CFAP20DC: variants seen among roughly 807,000 people sequenced by gnomAD.
CFAP20DC encodes CFAP20 domain containing.
CFAP20DC carries 84 observed loss-of-function variants against 101.7 expected under a neutral mutation model. The ratio of observed to expected loss-of-function variants is 0.83; its 90% CI spans 0.69 to 0.99. The LOEUF (loss-of-function observed/expected upper bound fraction) is 0.99, where lower values mean the gene tolerates loss of function less well. CFAP20DC is among the 50% of genes least tolerant of loss of function. The pLI is 0.00. For synonymous variants in CFAP20DC, 359 were observed against 351.2 expected (o/e 1.02, Z -0.25); for missense variants, 1,007 against 970.3 (o/e 1.04, Z -0.50).
chr3:58,724,510 C>T lies in CFAP20DC; in HGVS notation c.198-6882G>A, dbSNP rs2067520567. 6.6e-6 allele frequency among the ~76,000 whole-genome samples: 1 copy of T among 152,070 alleles called. No individual in the cohort carries two copies. Among genetic ancestry groups the T allele is most frequent in the Non-Finnish European group, 1.5e-5 (1 of 68,030 alleles). ...CAGACGTGTGGGCTCCTATTTAAGCCCGCTCCCACTAGCTACTCTCCGATA... is the reference window on the plus strand; with the variant it reads ...CAGACGTGTGGGCTCCTATTTAAGCTCGCTCCCACTAGCTACTCTCCGATA... On this transcript the variant is annotated intron_variant, in intron 3 of 3. Transcript: ENST00000486145. This position sits in a 1 kb window ranked among gnomAD's most constrained non-coding sequence, Gnocchi z 5.6.
chr3:58,737,479 G>C (rs774939083), downstream of CFAP20DC, among the ~76,000 whole-genome samples: 3 of 152,074 alleles, frequency 2.0e-5, no homozygotes, highest in Non-Finnish European at 4.4e-5. The surrounding 1 kb of genome is among the most constrained non-coding windows in gnomAD (Gnocchi z 4.1). Flanking sequence ...GATGTGAGTG[G>C]ATAAAACCCT....
rs115304968 is a variant in CFAP20DC, at chr3:58,780,383, G to T, written c.2237+26012C>A. 5.8e-4 allele frequency among the ~76,000 whole-genome samples: 88 copies of T among 152,088 alleles called. 1 individual carries two copies. The highest frequency in any genetic ancestry group is 2.0e-3 in the African/African-American group (83 of 41,528). On this transcript the variant is annotated intron_variant, in intron 15 of 16. Coordinates refer to ENST00000482387, the MANE Select transcript of CFAP20DC (RefSeq NM_001394063.1). Reference sequence around the variant, plus strand: ...AGTAAGAGCAAAATAAAGGAACAAAGGATATGTAAAACAACGGAAAATCAA... The same window carrying T: ...AGTAAGAGCAAAATAAAGGAACAAATGATATGTAAAACAACGGAAAATCAA...
At chr3:58,819,629 C>A (rs1409004626) in intron 14 of CFAP20DC, among the ~76,000 whole-genome samples, 1 of 148,338 alleles carries the variant, frequency 6.7e-6, no homozygotes, top group African/African-American at 2.5e-5. Flanking sequence ...ATAACAGGAT[C>A]TGAAATTGTG....
At chr3:58,939,318 TAAAAG>T (rs1403773596) in intron 4 of CFAP20DC, among the ~76,000 whole-genome samples, 1 of 151,830 alleles carries the variant, frequency 6.6e-6, no homozygotes, top group African/African-American at 2.4e-5. Flanking sequence ...CATTAGGAAA[TAAAAG>T]GAAAGACTAC....
At position 58,849,237 on chromosome 3, in the gene CFAP20DC, T is replaced by C; in HGVS notation, c.1766A>G (p.Gln589Arg). 1 of 1,536,100 alleles carries C rather than the reference T, an allele frequency of 6.5e-7. No homozygotes were observed. Among genetic ancestry groups the C allele is most frequent in the South Asian group, 1.2e-5 (1 of 84,038 alleles). ...CATTTCAAAGTTATTTCTATCTATTTGCTCCATCGAGGAATCCTGGCTTTC... is the reference window on the plus strand; with the variant it reads ...CATTTCAAAGTTATTTCTATCTATTCGCTCCATCGAGGAATCCTGGCTTTC... Reference protein sequence around the residue: ...ATESQDSSMEQIDRNNFEMSL... With the variant: ...ATESQDSSMERIDRNNFEMSL... The change falls in exon 13 of 17, where the codon CAA becomes CGA. Residue 589 changes from glutamine to arginine, a missense_variant. Coordinates refer to ENST00000482387, the MANE Select transcript of CFAP20DC (RefSeq NM_001394063.1).
At chr3:58,969,761 G>A (rs1215428408) in intron 4 of CFAP20DC, among the ~76,000 whole-genome samples, 1 of 152,098 alleles carries the variant, frequency 6.6e-6, no homozygotes, top group Admixed American at 6.6e-5. Flanking sequence ...ATTATGCTAA[G>A]TGAAAGAAGC....
At chr3:59,033,337 T>C (rs1036163024) in intron 4 of CFAP20DC, among the ~76,000 whole-genome samples, 1 of 151,936 alleles carries the variant, frequency 6.6e-6, no homozygotes, top group Non-Finnish European at 1.5e-5. Flanking sequence ...TAAAACTGGA[T>C]GGAGAATGAG....
At position 58,975,610 on chromosome 3, in the gene CFAP20DC, T is replaced by C. The variant is rs1338821632; in HGVS notation, c.279-37848A>G. On this transcript the variant is annotated intron_variant, in intron 4 of 16. Coordinates refer to ENST00000482387, the MANE Select transcript of CFAP20DC (RefSeq NM_001394063.1). ...AAAATTTGCATTGATAAATGCTCCA[T>C]TCCTTGTTTACTTAAAAGGAGAATG... is the stretch of plus-strand genomic sequence containing the variant. 3.3e-5 allele frequency among the ~76,000 whole-genome samples: 5 copies of C among 152,332 alleles called. No individual in the cohort carries two copies. In the South Asian group the frequency reaches 6.2e-4, roughly 19 times the overall value.
At chr3:58,980,323 GA>G (rs1358523739) in intron 4 of CFAP20DC, among the ~76,000 whole-genome samples, 1 of 152,060 alleles carries the variant, frequency 6.6e-6, no homozygotes, top group Non-Finnish European at 1.5e-5. Context: ...CCAATCAACA[GA>G]AAAAGAGGGA....
chr3:58,982,304 G>A (rs1050005529), intron 4 of CFAP20DC, among the ~76,000 whole-genome samples: 13 of 152,154 alleles, frequency 8.5e-5, no homozygotes, highest in East Asian at 3.9e-4. Flanking sequence ...TCAGTGTGGC[G>A]ATTCCTCAGG....
At chr3:58,794,626 AC>A (rs2073102796) in intron 15 of CFAP20DC, among the ~76,000 whole-genome samples, 1 of 152,214 alleles carries the variant, frequency 6.6e-6, no homozygotes, top group African/African-American at 2.4e-5. Flanking sequence ...CAAAAAAATT[AC>A]AGGGAAGAAG....
chr3:58,802,554 A>G (rs1003014365), intron 15 of CFAP20DC, among the ~76,000 whole-genome samples: 2 of 152,214 alleles, frequency 1.3e-5, no homozygotes, highest in Non-Finnish European at 2.9e-5. Context: ...ATACCACCCC[A>G]TGCCTAACAG....
chr3:58,852,989 C>T (rs555296310), intron 12 of CFAP20DC, among the ~76,000 whole-genome samples: 34 of 152,200 alleles, frequency 2.2e-4, no homozygotes, highest in Non-Finnish European at 3.5e-4. Flanking sequence ...AAAATCAGAG[C>T]AGAACTCAAG....
At chr3:58,883,156 T>G (rs1433325145) in intron 7 of CFAP20DC, among the ~76,000 whole-genome samples, 1 of 152,216 alleles carries the variant, frequency 6.6e-6, no homozygotes, top group Non-Finnish European at 1.5e-5. Context: ...GACCACTCTC[T>G]CATCCCCATC....
intron 4 of CFAP20DC, among the ~76,000 whole-genome samples, chr3:58,985,731 GC>G (rs1553756634): frequency 6.6e-6 from 1 of 151,878 alleles, no homozygotes; most frequent in Non-Finnish European, 1.5e-5. Flanking sequence ...TAACTAAAAG[GC>G]AAAAATAAAA....
At chr3:58,949,643 A>G (rs1427194044) in intron 4 of CFAP20DC, among the ~76,000 whole-genome samples, 1 of 152,186 alleles carries the variant, frequency 6.6e-6, no homozygotes, top group Non-Finnish European at 1.5e-5. Context: ...AATCCAGCAT[A>G]TAAACAGAAC....
intron 3 of CFAP20DC, among the ~76,000 whole-genome samples, chr3:59,044,229 T>C (rs1699659649): frequency 6.6e-6 from 1 of 152,174 alleles, no homozygotes. Flanking sequence ...GGTAATTGAA[T>C]TTATAAATGT....
intron 5 of CFAP20DC, among the ~76,000 whole-genome samples, chr3:58,936,046 G>T (rs994848596): frequency 2.0e-5 from 3 of 151,996 alleles, no homozygotes; most frequent in Non-Finnish European, 4.4e-5. Flanking sequence ...CTAATATCCA[G>T]AATCTACAAT....
intron 14 of CFAP20DC, among the ~76,000 whole-genome samples, chr3:58,819,598 G>T (rs1445000577): frequency 2.0e-5 from 3 of 148,366 alleles, no homozygotes; most frequent in Non-Finnish European, 4.5e-5. Context: ...CCAGGAAGAA[G>T]TTGAATCTCT....
Sources: gnomAD v4.1 joint callset for allele counts (sites outside exome capture counted in the v4.1 genomes callset) on GRCh38, gnomAD v4.1.1 for gene constraint, Gnocchi (gnomAD v3.1) non-coding constraint, MANE v1.5 for transcripts, NCBI Gene and HGNC (gene_info 2026-07-23, HGNC 2026-07-21) for gene names.